The following DOCK10 variants were observed in gnomAD, a reference collection of about 807,000 sequenced individuals.
DOCK10 encodes dedicator of cytokinesis 10, also known as dedicator of cytokinesis protein 10.
Under a neutral mutation model 280.1 loss-of-function variants are expected in DOCK10, and 145 were observed. The observed-to-expected ratio is 0.52, with a 90% CI of 0.45 to 0.59. The LOEUF (loss-of-function observed/expected upper bound fraction) is 0.59, where lower values mean the gene tolerates loss of function less well. Among genes scored for constraint, DOCK10 ranks in the 20% least tolerant of loss-of-function variants. The pLI, the probability that DOCK10 is intolerant of heterozygous loss-of-function variation, is 0.00. For missense variants in DOCK10, 2,368 were observed against 2,651.7 expected, an observed-to-expected ratio of 0.89 and a Z score of 2.35; for synonymous variants, 915 against 942.2, an observed-to-expected ratio of 0.97 and a Z score of 0.53.
Position 224,930,228 on chromosome 2 carries a change from GAAGA to G in DOCK10, c.243+1317_243+1320del, listed in dbSNP as rs377538186. Among the ~76,000 whole-genome samples the G allele has an allele frequency of 1.2e-3, 177 of 145,722 alleles. 1 individual carries two copies. Among genetic ancestry groups the G allele is most frequent in the African/African-American group, 4.1e-3 (160 of 39,464 alleles). The stretch of plus-strand genomic sequence containing the variant: ...AAAAAAAAAAAAAAAAAGAAAGAAA[GAAGA>G]AAGAAAGAAAGAAAAAGACTGTTCA... On this transcript the variant is annotated intron_variant, in intron 2 of 55. Transcript: ENST00000258390.
In DOCK10 at chr2:224,830,010, G is replaced by C. The variant is rs1046631195; in HGVS notation, c.3036+531C>G. Among the ~76,000 whole-genome samples, 84 of 152,324 alleles carry C rather than the reference G, an allele frequency of 5.5e-4. 1 individual carries two copies. Among genetic ancestry groups the C allele is most frequent in the African/African-American group, 2.0e-3 (82 of 41,576 alleles). The stretch of plus-strand genomic sequence containing the variant: ...AAATGTTCCTTCAAGACAGAATCTA[G>C]TGGGAAGAATATAAAGAGTTGCTGT... On this transcript the variant is annotated intron_variant, in intron 27 of 55. Coordinates refer to ENST00000258390, the MANE Select transcript of DOCK10 (RefSeq NM_014689.3).
chr2:224,857,294 A>C (rs1319947969), intron 14 of DOCK10, among the ~76,000 whole-genome samples: 1 of 152,222 alleles, frequency 6.6e-6, no homozygotes, highest in Non-Finnish European at 1.5e-5. Flanking sequence ...GAATAGGAAC[A>C]CAAGTTACTC....
At chr2:224,961,417 T>TCTTTCTTTCTTTCTTC (rs1704397705) in intron 1 of DOCK10, among the ~76,000 whole-genome samples, 2 of 90,494 alleles carry the variant, frequency 2.2e-5, no homozygotes, top group Admixed American at 1.2e-4. Context: ...TCTTTCTCTT[T>TCTTTCTTTCTTTCTTC]CTTTCTTTCT....
intron 51 of DOCK10, 66 bp from the exon 52 acceptor site, chr2:224,775,181 C>T: frequency 2.1e-6 from 3 of 1,453,484 alleles, no homozygotes; most frequent in Non-Finnish European, 2.9e-6. Flanking sequence ...CGGGAAGCTC[C>T]CATTCCCTCA....
chr2:224,983,054 C>T (rs536637863), intron 1 of DOCK10, among the ~76,000 whole-genome samples: 2 of 152,288 alleles, frequency 1.3e-5, no homozygotes, highest in Admixed American at 1.3e-4. Context: ...TGCAGTTCTG[C>T]AGCCTAATAC....
Position 225,042,109 on chromosome 2 carries a change from A to C in DOCK10, c.123+143T>G. 2 of 1,024,060 alleles carry C rather than the reference A, an allele frequency of 2.0e-6. No homozygotes were observed. Among genetic ancestry groups the C allele is most frequent in the Non-Finnish European group, 2.5e-6 (2 of 805,564 alleles). The allele number at this position is 1,024,060 out of a possible 1,614,324, so 63.4% of individuals were successfully genotyped here. On this transcript the variant is annotated intron_variant, in intron 1 of 55. Transcript: ENST00000258390. The surrounding 1 kb of genome is among the most constrained non-coding windows in gnomAD (Gnocchi z 5.1). ...CTGAGGTGGCGCCGGGGGAGCCCGCAGAGGCGGCGGGGGAGGGAGTGCGGA... is the reference window on the plus strand; with the variant it reads ...CTGAGGTGGCGCCGGGGGAGCCCGCCGAGGCGGCGGGGGAGGGAGTGCGGA...
intron 18 of DOCK10, among the ~76,000 whole-genome samples, chr2:224,851,980 C>T (rs556148983): frequency 1.1e-4 from 17 of 151,772 alleles, no homozygotes; most frequent in Admixed American, 3.9e-4. Flanking sequence ...CCCACGGGTC[C>T]CCCACATTAG....
intron 1 of DOCK10, among the ~76,000 whole-genome samples, chr2:225,027,249 G>T (rs537481546): frequency 6.6e-6 from 1 of 152,310 alleles, no homozygotes; most frequent in East Asian, 1.9e-4. Flanking sequence ...CACCTTTCGT[G>T]ACAGTCTAGG....
chr2:224,905,415 T>A (rs1700562698), intron 3 of DOCK10, among the ~76,000 whole-genome samples: 1 of 151,450 alleles, frequency 6.6e-6, no homozygotes, highest in Non-Finnish European at 1.5e-5. Context: ...GCCCGGCTAA[T>A]TTTTTTTGTA....
intron 2 of DOCK10, among the ~76,000 whole-genome samples, chr2:224,928,519 GGCA>G (rs1263597006): frequency 3.3e-5 from 5 of 152,144 alleles, no homozygotes; most frequent in Admixed American, 3.3e-4. Context: ...ATAAAAAATA[GGCA>G]GCAGGTCACC....
At chr2:224,881,040 C>G (rs906364888) in intron 7 of DOCK10, among the ~76,000 whole-genome samples, 2 of 152,082 alleles carry the variant, frequency 1.3e-5, no homozygotes, top group Admixed American at 6.6e-5. Context: ...AGTGCTTTCC[C>G]TCATTGAACT....
chr2:224,803,863 A>G (rs202107572), intron 39 of DOCK10, among the ~76,000 whole-genome samples: 32 of 152,256 alleles, frequency 2.1e-4, no homozygotes, highest in African/African-American at 7.7e-4. Context: ...CTCTAAGTGC[A>G]CACATATATG....
At chr2:224,862,564 A>C (rs1282084945) in intron 14 of DOCK10, 100 bp downstream of exon 14, 1 of 882,178 alleles carries the variant, frequency 1.1e-6, no homozygotes, top group Non-Finnish European at 1.9e-6. Flanking sequence ...AGGTGTAGAC[A>C]CATTAAAAAT....
chr2:224,932,651 G>A (rs572264029), intron 1 of DOCK10, among the ~76,000 whole-genome samples: 2 of 152,216 alleles, frequency 1.3e-5, no homozygotes, highest in African/African-American at 2.4e-5. Context: ...GATCCCATAA[G>A]TGAAAAAAAT....
intron 1 of DOCK10, among the ~76,000 whole-genome samples, chr2:224,939,436 T>C (rs1042584696): frequency 6.6e-6 from 1 of 152,234 alleles, no homozygotes; most frequent in Non-Finnish European, 1.5e-5. Context: ...CATTTTTGTA[T>C]AGCAAATAAA....
rs377575385 is a variant in DOCK10 at position 225,002,519 on chromosome 2, C to T, written c.123+39733G>A. Among the ~76,000 whole-genome samples, 4 of 152,158 alleles carry T rather than the reference C, an allele frequency of 2.6e-5. No homozygotes were observed. In the East Asian group the frequency reaches 5.8e-4, roughly 22 times the overall value. On this transcript the variant is annotated intron_variant, in intron 1 of 55. Transcript: ENST00000258390. ...GATAAGTCATACATTTCTTTGGCCT[C>T]AGTAGTTGAGATTTAGTCAGCTCTT...
chr2:224,809,195 G>T (rs2125239055), intron 31 of DOCK10, among the ~76,000 whole-genome samples: 1 of 152,212 alleles, frequency 6.6e-6, no homozygotes, highest in African/African-American at 2.4e-5. Context: ...TATTCAAATT[G>T]TCCAAAGGGT....
At chr2:225,035,287 A>G (rs1244733041) in intron 1 of DOCK10, among the ~76,000 whole-genome samples, 3 of 151,986 alleles carry the variant, frequency 2.0e-5, no homozygotes, top group African/African-American at 7.3e-5. Context: ...CAGCCCATCA[A>G]AGAGGTCATG....
At chr2:224,886,387 G>C in intron 5 of DOCK10, 72 bp downstream of exon 5, 6 of 1,521,556 alleles carry the variant, frequency 3.9e-6, no homozygotes, top group Non-Finnish European at 5.4e-6. Flanking sequence ...GTCAGAACTC[G>C]AAACTTTCAG....
Sources: allele counts gnomAD v4.1 joint callset (sites outside exome capture counted in the v4.1 genomes callset), GRCh38; gene constraint gnomAD v4.1.1; non-coding constraint Gnocchi (gnomAD v3.1); transcripts MANE v1.5; gene names NCBI Gene and HGNC (gene_info 2026-07-23, HGNC 2026-07-21).